LRRC4C: variants seen among roughly 807,000 people sequenced by gnomAD.
LRRC4C encodes leucine-rich repeat-containing protein 4C.
Under a neutral mutation model 33.6 loss-of-function variants are expected in LRRC4C, and 5 were observed. That is an observed-to-expected ratio of 0.15 (90% CI 0.08 to 0.31). The LOEUF is 0.31. Ranked by LOEUF, LRRC4C falls within the 10% of genes least tolerant of loss-of-function variation. The pLI, the probability that LRRC4C is intolerant of heterozygous loss-of-function variation, is 1.00. For synonymous variants in LRRC4C, 329 were observed against 302.0 expected, an observed-to-expected ratio of 1.09 and a Z score of -0.93; for missense variants, 560 against 796.7, an observed-to-expected ratio of 0.70 and a Z score of 3.58.
chr11:40,979,153 C>G (rs1852316580), intron 1 of LRRC4C, among the ~76,000 whole-genome samples: 1 of 152,128 alleles, frequency 6.6e-6, no homozygotes, highest in Admixed American at 6.5e-5. Context: ...TCATACTAGG[C>G]ATATGAGATT....
chr11:40,738,000 A>G (rs1472931377), intron 2 of LRRC4C, among the ~76,000 whole-genome samples: 4 of 152,174 alleles, frequency 2.6e-5, no homozygotes, highest in Admixed American at 2.6e-4. Context: ...CCAAAACAGC[A>G]TGGTACTGGT....
chr11:41,153,604 T>A (rs1944096405), intron 1 of LRRC4C, among the ~76,000 whole-genome samples: 1 of 152,206 alleles, frequency 6.6e-6, no homozygotes, highest in Non-Finnish European at 1.5e-5. Flanking sequence ...TTTAACTAGC[T>A]CACCATCATC....
intron 5 of LRRC4C, among the ~76,000 whole-genome samples, chr11:40,224,484 C>T (rs979521797): frequency 3.9e-5 from 6 of 152,182 alleles, no homozygotes; most frequent in Non-Finnish European, 8.8e-5. Flanking sequence ...CAATTTAACA[C>T]AAAGAAAATG....
At chr11:40,874,134 A>G (rs892784172) in intron 2 of LRRC4C, among the ~76,000 whole-genome samples, 3 of 152,182 alleles carry the variant, frequency 2.0e-5, no homozygotes, top group African/African-American at 7.2e-5. Flanking sequence ...TTCCAAGGAG[A>G]TTTAAACCAT....
chr11:40,682,746 CAATAAATAAATA>C (rs10523318), intron 2 of LRRC4C, among the ~76,000 whole-genome samples: 2 of 141,666 alleles, frequency 1.4e-5, no homozygotes, highest in East Asian at 4.2e-4. Context: ...GACTCTGTCT[CAATAAATAAATA>C]AATAAATAAA....
intron 1 of LRRC4C, among the ~76,000 whole-genome samples, chr11:41,365,213 A>G (rs1299222350): frequency 6.6e-6 from 1 of 151,946 alleles, no homozygotes; most frequent in Non-Finnish European, 1.5e-5. Context: ...AGGAGTGTGA[A>G]CCTATTGTAA....
intron 3 of LRRC4C, among the ~76,000 whole-genome samples, chr11:40,607,373 C>T (rs970499716): frequency 6.6e-6 from 1 of 152,160 alleles, no homozygotes; most frequent in African/African-American, 2.4e-5. Flanking sequence ...TTCAAGACAA[C>T]TTTGGTCTGC....
chr11:41,160,007 T>C (rs118110854), intron 1 of LRRC4C, among the ~76,000 whole-genome samples: 3,820 of 152,064 alleles, frequency 0.025, 58 homozygotes, highest in Non-Finnish European at 0.041. Context: ...ATATGCTTTA[T>C]AACAAAAGGG....
chr11:41,333,028 T>TA (rs904355121), intron 1 of LRRC4C, among the ~76,000 whole-genome samples: 28 of 152,252 alleles, frequency 1.8e-4, no homozygotes, highest in Middle Eastern at 6.8e-3. Context: ...TATGTTCATT[T>TA]AAAAAAACAA....
intron 3 of LRRC4C, among the ~76,000 whole-genome samples, chr11:40,360,793 C>T (rs1565312515): frequency 6.6e-6 from 1 of 151,936 alleles, no homozygotes; most frequent in Non-Finnish European, 1.5e-5. Context: ...AGAAACACAA[C>T]AAAAAAAGAA....
At chr11:40,816,732 CTGGGAGAT>C (rs1951719917) in intron 2 of LRRC4C, among the ~76,000 whole-genome samples, 2 of 152,050 alleles carry the variant, frequency 1.3e-5, no homozygotes, top group African/African-American at 2.4e-5. Flanking sequence ...ATGCAAATAA[CTGGGAGAT>C]TTCTAGGCTT....
intron 3 of LRRC4C, among the ~76,000 whole-genome samples, chr11:40,536,708 A>C (rs1227498714): frequency 6.6e-6 from 1 of 151,454 alleles, no homozygotes; most frequent in African/African-American, 2.4e-5. Context: ...TTTTTTTCAA[A>C]TCTCTACAGG....
At chr11:41,379,054 T>C (rs1316616102) in intron 1 of LRRC4C, among the ~76,000 whole-genome samples, 1 of 152,038 alleles carries the variant, frequency 6.6e-6, no homozygotes, top group Non-Finnish European at 1.5e-5. Context: ...CACAGACATA[T>C]AAACTCACAC....
chr11:40,799,010 T>C (rs557671305), intron 2 of LRRC4C, among the ~76,000 whole-genome samples: 1 of 152,216 alleles, frequency 6.6e-6, no homozygotes, highest in Non-Finnish European at 1.5e-5. Context: ...TGGTAAAATA[T>C]AATTTTTGTG....
intron 1 of LRRC4C, among the ~76,000 whole-genome samples, chr11:41,369,406 G>A (rs1362980697): frequency 6.6e-6 from 1 of 151,906 alleles, no homozygotes; most frequent in Non-Finnish European, 1.5e-5. Flanking sequence ...GTGAGAGCAG[G>A]GAAAGAGGAT....
chr11:40,475,987 T>A (rs1953198487), intron 3 of LRRC4C, among the ~76,000 whole-genome samples: 1 of 152,146 alleles, frequency 6.6e-6, no homozygotes, highest in East Asian at 1.9e-4. Context: ...CTGTGCATTT[T>A]AGGATATTTA....
At chr11:40,404,579 TG>T (rs1949889449) in intron 3 of LRRC4C, among the ~76,000 whole-genome samples, 2 of 152,082 alleles carry the variant, frequency 1.3e-5, no homozygotes, top group Admixed American at 1.3e-4. Context: ...TTCTAGACCA[TG>T]ATGCCATTAT....
At chr11:41,150,463 T>C (rs1174010843) in intron 1 of LRRC4C, among the ~76,000 whole-genome samples, 7 of 152,218 alleles carry the variant, frequency 4.6e-5, no homozygotes, top group African/African-American at 1.7e-4. Context: ...GCATGTGTCC[T>C]TATTTCCCTT....
intron 4 of LRRC4C, among the ~76,000 whole-genome samples, chr11:40,318,348 AT>A (rs1945677994): frequency 6.6e-6 from 1 of 152,122 alleles, no homozygotes; most frequent in Non-Finnish European, 1.5e-5. Context: ...ACCAAGTAAA[AT>A]GATCAAAATA....
Sources: gnomAD v4.1 joint callset for allele counts (sites outside exome capture counted in the v4.1 genomes callset) on GRCh38, gnomAD v4.1.1 for gene constraint, MANE v1.5 for transcripts, NCBI Gene and HGNC (gene_info 2026-07-23, HGNC 2026-07-21) for gene names.